Variants in TUT4 observed in about 807,000 individuals in gnomAD.
The protein encoded by TUT4 is terminal uridylyltransferase 4.
TUT4 carries 36 observed loss-of-function variants against 192.2 expected under a neutral mutation model. That is an observed-to-expected ratio of 0.19 (90% CI 0.14 to 0.25). The LOEUF is 0.25. Ranked by LOEUF, TUT4 falls within the 10% of genes least tolerant of loss-of-function variation. The pLI, the probability that TUT4 is intolerant of heterozygous loss-of-function variation, is 1.00. For missense variants in TUT4, 1,493 were observed against 1,957.2 expected, an observed-to-expected ratio of 0.76 and a Z score of 4.47; for synonymous variants, 618 against 666.0, an observed-to-expected ratio of 0.93 and a Z score of 1.11.
chr1:52,547,719 T>C (rs1017501590), intron 1 of TUT4, among the ~76,000 whole-genome samples: 6 of 152,164 alleles, frequency 3.9e-5, no homozygotes, highest in Admixed American at 3.3e-4. Context: ...TGCTACACTA[T>C]GGCCAACCTT....
Position 52,471,299 on chromosome 1 carries a change from G to A in TUT4, c.2878+653C>T, listed in dbSNP as rs553217380. Among the ~76,000 whole-genome samples the A allele has an allele frequency of 8.5e-5, 13 of 152,244 alleles. No individual in the cohort carries two copies. In the East Asian group the frequency reaches 2.5e-3, roughly 29 times the overall value. On this transcript the variant is annotated intron_variant, in intron 14 of 29. Coordinates refer to ENST00000257177, the MANE Select transcript of TUT4 (RefSeq NM_001009881.3). ...CAAAATGCTGGGATTACAGGCGTGG[G>A]CCACTGCGCCCGGCCACTCTATGCT...
chr1:52,460,605 T>A (rs1055168489), intron 19 of TUT4, among the ~76,000 whole-genome samples: 5 of 152,156 alleles, frequency 3.3e-5, no homozygotes, highest in Non-Finnish European at 7.3e-5. Context: ...TTAATAAAAT[T>A]AATCATTCCA....
intron 9 of TUT4, among the ~76,000 whole-genome samples, chr1:52,484,004 T>G (rs1486462555): frequency 6.6e-6 from 1 of 151,714 alleles, no homozygotes; most frequent in African/African-American, 2.4e-5. Flanking sequence ...TTGAAAAATT[T>G]GTTAAACGCC....
chr1:52,477,987 C>T (rs1162661990), intron 11 of TUT4, 105 bp from the exon 12 acceptor site: 2 of 1,097,894 alleles, frequency 1.8e-6, no homozygotes, highest in Non-Finnish European at 2.5e-6. Context: ...AAAACTGAGA[C>T]ATGAAGGAGT....
chr1:52,536,212 G>C (rs1383834487), intron 1 of TUT4, among the ~76,000 whole-genome samples: 1 of 152,124 alleles, frequency 6.6e-6, no homozygotes, highest in African/African-American at 2.4e-5. Flanking sequence ...ACTATATAAA[G>C]ATGTAATCTG....
At chr1:52,496,472 G>A (rs1362243045) in intron 5 of TUT4, among the ~76,000 whole-genome samples, 2 of 151,922 alleles carry the variant, frequency 1.3e-5, no homozygotes, top group African/African-American at 2.4e-5. Flanking sequence ...CCTTTGGTGG[G>A]AAGAAATAAG....
chr1:52,431,157 TG>T lies in TUT4; in HGVS notation c.4566del (p.Ser1522ArgfsTer5). 1 of 1,614,184 alleles carries T rather than the reference TG, an allele frequency of 6.2e-7. No individual in the cohort carries two copies. The highest frequency in any genetic ancestry group is 8.5e-7 in the Non-Finnish European group (1 of 1,180,030). On this transcript the variant is annotated frameshift_variant, in exon 28 of 30. Transcript: ENST00000257177. LOFTEE classifies it high-confidence loss of function. The part of the protein sequence containing the change: ...VIHSAPGSAP[S>X]NIGLNDPSII... ...ATGCTGGGATCATTTAGGCCAATATTGCTGGGGGCACTGCCTGGTGCAGAGT... is the reference window on the plus strand; with the variant it reads ...ATGCTGGGATCATTTAGGCCAATATTCTGGGGGCACTGCCTGGTGCAGAGT...
At position 52,490,810 on chromosome 1, in the gene TUT4, GA is replaced by G. The variant is rs753904395; in HGVS notation, c.1319-10del. On this transcript the variant is annotated splice_polypyrimidine_tract_variant and intron_variant, in intron 7 of 29. Coordinates refer to ENST00000257177, the MANE Select transcript of TUT4 (RefSeq NM_001009881.3). ...CACATCTACATATAATACTAATAAG[GA>G]AAAAAAAAAGTAAGCTAATGTCAAC... 1,743 of 1,446,586 alleles carry G rather than the reference GA, an allele frequency of 1.2e-3. No individual in the cohort carries two copies. The highest frequency in any genetic ancestry group is 3.1e-3 in the South Asian group (228 of 74,388). 89.6% of individuals were successfully genotyped at this position (1,446,586 alleles called of 1,614,324 possible). A position where few individuals can be genotyped will look rare whatever the true frequency, so the allele number is the denominator to read the frequency against.
intron 20 of TUT4, among the ~76,000 whole-genome samples, chr1:52,448,828 C>T (rs1385187838): frequency 1.3e-5 from 2 of 152,144 alleles, no homozygotes; most frequent in Non-Finnish European, 2.9e-5. Context: ...ATTCATACTT[C>T]TGAGTAACAA....
rs139786979 is a variant in TUT4 at position 52,544,680 on chromosome 1, G to A, written c.-94+8251C>T. Among the ~76,000 whole-genome samples the A allele has an allele frequency of 4.1e-4, 63 of 152,198 alleles. No homozygotes were observed. In the East Asian group the frequency reaches 0.01, roughly 24 times the overall value. ...TTGTTGAGTATGACACCAAAGGCAC[G>A]GGCAACAAAAGAAAAAATGGACAAA... On this transcript the variant is annotated intron_variant, in intron 1 of 29. Coordinates refer to ENST00000257177, the MANE Select transcript of TUT4 (RefSeq NM_001009881.3).
chr1:52,516,339 A>G (rs1678706681), intron 2 of TUT4, among the ~76,000 whole-genome samples: 1 of 152,190 alleles, frequency 6.6e-6, no homozygotes, highest in Non-Finnish European at 1.5e-5. Context: ...AGCTAATTAC[A>G]CAAAGCTAAT....
chr1:52,502,618 T>C (rs1178104518), intron 4 of TUT4, among the ~76,000 whole-genome samples: 4 of 138,350 alleles, frequency 2.9e-5, no homozygotes, highest in Admixed American at 2.1e-4. Context: ...TCTTTTTTTT[T>C]TTTTTTTTTT....
intron 19 of TUT4, among the ~76,000 whole-genome samples, chr1:52,458,942 T>A (rs1661708605): frequency 6.6e-6 from 1 of 152,044 alleles, no homozygotes; most frequent in Non-Finnish European, 1.5e-5. Context: ...TAGTTTTAGG[T>A]TCATCAATAA....
chr1:52,483,290 C>A (rs940105105), intron 9 of TUT4, among the ~76,000 whole-genome samples: 7 of 152,212 alleles, frequency 4.6e-5, no homozygotes, highest in African/African-American at 1.7e-4. Flanking sequence ...TCCAATACAT[C>A]AATTTATAAG....
In TUT4 at chr1:52,431,404, C is replaced by T. The variant is rs1253962352; in HGVS notation, c.4320G>A (p.Gln1440=). ...ATGAAGGCTGAGTAATAGCAGCTGA[C>T]TGGGAAGAGTTCTGTGGAAATGGCT... ...QPQPFPQNSS[Q]SAAITQPSSQ... is the part of the protein sequence containing the mutation. The change falls in exon 28 of 30, where the codon CAG becomes CAA. Residue 1440 remains glutamine (Q), a synonymous_variant. Coordinates refer to ENST00000257177, the MANE Select transcript of TUT4 (RefSeq NM_001009881.3). 4 of 1,613,746 alleles carry T rather than the reference C, an allele frequency of 2.5e-6. No individual in the cohort carries two copies. In the African/African-American group the frequency reaches 4.0e-5, roughly 16 times the overall value.
chr1:52,500,606 C>G (rs886409568), intron 4 of TUT4, among the ~76,000 whole-genome samples: 1 of 151,984 alleles, frequency 6.6e-6, no homozygotes, highest in Non-Finnish European at 1.5e-5. Context: ...CTACTAAATA[C>G]AAAAAACTAG....
chr1:52,459,191 C>T (rs1330494561), intron 19 of TUT4, among the ~76,000 whole-genome samples: 1 of 151,108 alleles, frequency 6.6e-6, no homozygotes, highest in African/African-American at 2.4e-5. Context: ...GAGGCTGAGG[C>T]AGGAGAATGG....
chr1:52,432,212 T>G (rs1173596106), intron 27 of TUT4: 6 of 152,156 alleles, frequency 3.9e-5, no homozygotes, highest in Non-Finnish European at 8.8e-5. Flanking sequence ...AAAGTCACTT[T>G]GGGAGAAGGA....
At chr1:52,451,499 T>A (rs528678310) in intron 20 of TUT4, among the ~76,000 whole-genome samples, 1 of 152,208 alleles carries the variant, frequency 6.6e-6, no homozygotes, top group African/African-American at 2.4e-5. Context: ...AATAACACTA[T>A]GAACTACAAT....
Sources: allele counts gnomAD v4.1 joint callset (sites outside exome capture counted in the v4.1 genomes callset), GRCh38; gene constraint gnomAD v4.1.1; transcripts MANE v1.5; gene names NCBI Gene and HGNC (gene_info 2026-07-23, HGNC 2026-07-21).